TMEM132A: variants seen among roughly 807,000 people sequenced by gnomAD.
The protein encoded by TMEM132A is transmembrane protein 132A.
TMEM132A carries 48 observed loss-of-function variants against 69.9 expected under a neutral mutation model. The observed-to-expected ratio is 0.69, with a 90% CI of 0.55 to 0.87. The LOEUF (loss-of-function observed/expected upper bound fraction) is 0.87, where lower values mean the gene tolerates loss of function less well. TMEM132A is among the 40% of genes least tolerant of loss of function. The pLI is 0.00. For missense variants in TMEM132A, 1,287 were observed against 1,407.2 expected (o/e 0.91, Z 1.37); for synonymous variants, 577 against 613.7 (o/e 0.94, Z 0.88).
rs772998053 is a variant in TMEM132A, at chr11:60,936,719, C to G, written c.2884C>G (p.Arg962Gly). The G allele has an allele frequency of 6.3e-7, 1 of 1,587,334 alleles. No homozygotes were observed. The highest frequency in any genetic ancestry group is 8.6e-7 in the Non-Finnish European group (1 of 1,167,166). Residue 962 changes from arginine (R) to glycine (G), a missense_variant, in exon 11 of 11, where the codon CGA (arginine) becomes GGA (glycine). Physicochemically the swap from Arg to Gly is moderately radical, Grantham distance 125. Coordinates refer to ENST00000453848, the MANE Select transcript of TMEM132A (RefSeq NM_178031.3). ...ARKEAGGRRK[R>G]VEFVTFAPAP... is the part of the protein sequence containing the mutation. ...AAAGGAGGCTGGGGGGCGGCGGAAG[C>G]GAGTAGAGTTTGTGACATTTGCGCC...
chr11:60,935,746 C>T lies in TMEM132A; in HGVS notation c.2029-118C>T. The T allele has an allele frequency of 8.2e-7, 1 of 1,217,556 alleles. No homozygotes were observed. Among genetic ancestry groups the T allele is most frequent in the Non-Finnish European group, 1.2e-6 (1 of 863,174 alleles). The allele number at this position is 1,217,556 out of a possible 1,614,324, so 75.4% of individuals were successfully genotyped here. A position where few individuals can be genotyped will look rare whatever the true frequency, so the allele number is the denominator to read the frequency against. ...CTCTCCCTGTGTTTTGTCTATCTGC[C>T]TGTGTCTCTGTTTTCTCTCTGGTCT... On this transcript the variant is annotated intron_variant, in intron 10 of 10. Coordinates refer to ENST00000453848, the MANE Select transcript of TMEM132A (RefSeq NM_178031.3). This position sits in a 1 kb window ranked among gnomAD's most constrained non-coding sequence, Gnocchi z 5.0.
chr11:60,928,391 T>C (rs747701910), intron 3 of TMEM132A, among the ~76,000 whole-genome samples: 2 of 152,158 alleles, frequency 1.3e-5, no homozygotes, highest in Non-Finnish European at 2.9e-5. Context: ...TACTTTGTAA[T>C]GAGACCTATC....
rs895126294 is a variant in TMEM132A, at chr11:60,936,862, T to C, written c.3027T>C (p.Pro1009=). ...GTGAGGACATGGGGCTGAAGGACCCTGAGGAGCTTCGCAACTACATGGAGA... is the reference window on the plus strand; with the variant it reads ...GTGAGGACATGGGGCTGAAGGACCCCGAGGAGCTTCGCAACTACATGGAGA... ...WVCEDMGLKD[P]EELRNYMERI... Residue 1009 remains proline (P), a synonymous_variant, in exon 11 of 11, where the codon CCT becomes CCC. Transcript: ENST00000453848. 3 of 1,592,196 alleles carry C rather than the reference T, an allele frequency of 1.9e-6. No homozygotes were observed. Among genetic ancestry groups the C allele is most frequent in the African/African-American group, 2.7e-5 (2 of 73,678 alleles).
rs1354571371 is a variant in TMEM132A, at chr11:60,931,602, A to T, written c.1017-87A>T. The T allele has an allele frequency of 2.2e-6, 3 of 1,338,352 alleles. No homozygotes were observed. The African/African-American group carries it at 4.4e-5, about 20-fold the overall frequency. The allele number at this position is 1,338,352 out of a possible 1,614,324, so 82.9% of individuals were successfully genotyped here. ...GTGCCTCAGTTTCCTCCTGTGTAAAATGGGGATAATCATGAATGCAGGAAG... is the reference window on the plus strand; with the variant it reads ...GTGCCTCAGTTTCCTCCTGTGTAAATTGGGGATAATCATGAATGCAGGAAG... On this transcript the variant is annotated intron_variant, in intron 5 of 10. Coordinates refer to ENST00000453848, the MANE Select transcript of TMEM132A (RefSeq NM_178031.3).
rs778855376 is a variant in TMEM132A at position 60,936,212 on chromosome 11, G to A, written c.2377G>A (p.Gly793Ser). 1.2e-6 allele frequency: 2 copies of A among 1,614,064 alleles called. No individual in the cohort carries two copies. The highest frequency in any genetic ancestry group is 1.7e-6 in the Non-Finnish European group (2 of 1,179,970). ...SPPATEATMG[G>S]KRQVAGSVGG... Reference sequence around the variant, plus strand: ...ACCAGCCACAGAAGCCACCATGGGTGGTAAACGGCAGGTGGCAGGCAGTGT... The same window carrying A: ...ACCAGCCACAGAAGCCACCATGGGTAGTAAACGGCAGGTGGCAGGCAGTGT... Residue 793 changes from glycine to serine, a missense_variant, in exon 11 of 11, where the codon GGT (glycine) becomes AGT (serine). Coordinates refer to ENST00000453848, the MANE Select transcript of TMEM132A (RefSeq NM_178031.3).
chr11:60,934,036 T>C, intron 8 of TMEM132A: 3 of 471,102 alleles, frequency 6.4e-6, no homozygotes, highest in Non-Finnish European at 1.1e-5. Context: ...TCCACGCTCC[T>C]CCCCCGAGAA....
In TMEM132A at chr11:60,928,637, G is replaced by A. The variant is rs775233614; in HGVS notation, c.543G>A (p.Leu181=). 1 of 1,608,362 alleles carries A rather than the reference G, an allele frequency of 6.2e-7. No individual in the cohort carries two copies. Among genetic ancestry groups the A allele is most frequent in the East Asian group, 2.2e-5 (1 of 44,886 alleles). ...CTGTCGTGTCTTCACAGCCATCCCTGGGCGCCTGCGTGGTGGAGCTGGAGC... is the reference window on the plus strand; with the variant it reads ...CTGTCGTGTCTTCACAGCCATCCCTAGGCGCCTGCGTGGTGGAGCTGGAGC... ...AHQACRFQPS[L]GACVVELELP... Residue 181 remains leucine, a synonymous_variant, in exon 4 of 11, where the codon CTG becomes CTA. Transcript: ENST00000453848.
At position 60,936,828 on chromosome 11, in the gene TMEM132A, G is replaced by A. The variant is rs755198034; in HGVS notation, c.2993G>A (p.Arg998His). The change falls in exon 11 of 11, where the codon CGC (arginine) becomes CAC (histidine). Residue 998 changes from arginine to histidine, a missense_variant. Transcript: ENST00000453848. ...CTTGTGGCAGGCGAGGAGGACATCCGCTGGGTGTGTGAGGACATGGGGCTG... is the reference window on the plus strand; with the variant it reads ...CTTGTGGCAGGCGAGGAGGACATCCACTGGGTGTGTGAGGACATGGGGCTG... ...SILVAGEEDIRWVCEDMGLKD... is the reference protein window; with the variant it reads ...SILVAGEEDIHWVCEDMGLKD... 1.2e-5 allele frequency: 20 copies of A among 1,612,000 alleles called. No homozygotes were observed. Among genetic ancestry groups the A allele is most frequent in the Non-Finnish European group, 1.4e-5 (16 of 1,179,162 alleles).
At chr11:60,927,558 C>T in intron 2 of TMEM132A, 83 bp from the exon 3 acceptor site, 1 of 1,457,562 alleles carries the variant, frequency 6.9e-7, no homozygotes, top group Non-Finnish European at 9.3e-7. Context: ...TAAAGGTTCT[C>T]TTCTGCCAAG....
rs752352708 is a variant in TMEM132A, at chr11:60,933,697, C to A, written c.1512C>A (p.Thr504=). The A allele has an allele frequency of 3.7e-5, 59 of 1,600,618 alleles. No homozygotes were observed. The highest frequency in any genetic ancestry group is 4.8e-5 in the Non-Finnish European group (57 of 1,175,718). ...LLPLRIELTD[T]TLEQVRGWRV... is the part of the protein sequence containing the mutation. The stretch of plus-strand genomic sequence containing the variant: ...CGCTGCGTATCGAGCTCACCGACAC[C>A]ACCCTCGAGCAGGTCCGCGGCTGGA... The change falls in exon 8 of 11, where the codon ACC becomes ACA. Residue 504 remains threonine, a synonymous_variant. Coordinates refer to ENST00000453848, the MANE Select transcript of TMEM132A (RefSeq NM_178031.3).
rs1391765891 is a variant in TMEM132A, at chr11:60,928,739, C to T, written c.645C>T (p.Gly215=). 1.2e-6 allele frequency: 2 copies of T among 1,609,316 alleles called. No homozygotes were observed. Among genetic ancestry groups the T allele is most frequent in the South Asian group, 2.2e-5 (2 of 90,872 alleles). ...LAYTLEPAAE[G]PGGCGSGEEN... ...ACACGCTTGAGCCTGCAGCTGAGGG[C>T]CCTGGGGGCTGTGGCTCCGGCGAGG... Residue 215 remains glycine (G), a synonymous_variant, in exon 4 of 11, where the codon GGC becomes GGT. Coordinates refer to ENST00000453848, the MANE Select transcript of TMEM132A (RefSeq NM_178031.3).
At position 60,935,016 on chromosome 11, in the gene TMEM132A, G is replaced by A. The variant is rs1471087049; in HGVS notation, c.1837-236G>A. ...CCGGGTCTTGAGGGAAAAGGGAACT[G>A]CCCCCTAGGTGTGGGATTGGGGTCC... On this transcript the variant is annotated intron_variant, in intron 9 of 10. Coordinates refer to ENST00000453848, the MANE Select transcript of TMEM132A (RefSeq NM_178031.3). The surrounding 1 kb of genome is among the most constrained non-coding windows in gnomAD (Gnocchi z 5.0). Among the ~76,000 whole-genome samples, 5 of 152,150 alleles carry A rather than the reference G, an allele frequency of 3.3e-5. No homozygotes were observed. The highest frequency in any genetic ancestry group is 7.4e-5 in the Non-Finnish European group (5 of 68,010).
Position 60,928,717 on chromosome 11 carries a change from C to A in TMEM132A, c.623C>A (p.Thr208Lys). Residue 208 changes from threonine (T) to lysine (K), a missense_variant, in exon 4 of 11, where the codon ACG (threonine) becomes AAG (lysine). Coordinates refer to ENST00000453848, the MANE Select transcript of TMEM132A (RefSeq NM_178031.3). Reference protein sequence around the residue: ...ASTTRAELAYTLEPAAEGPGG... With the variant: ...ASTTRAELAYKLEPAAEGPGG... ...ACCACACGGGCCGAGCTGGCCTACA[C>A]GCTTGAGCCTGCAGCTGAGGGCCCT... 1 of 1,610,300 alleles carries A rather than the reference C, an allele frequency of 6.2e-7. No individual in the cohort carries two copies. Among genetic ancestry groups the A allele is most frequent in the Non-Finnish European group, 8.5e-7 (1 of 1,179,106 alleles).
chr11:60,927,982 A>G (rs1474829869), intron 3 of TMEM132A, 123 bp downstream of exon 3: 1 of 769,262 alleles, frequency 1.3e-6, no homozygotes, highest in Non-Finnish European at 2.0e-6. Flanking sequence ...ACCCGACTCC[A>G]TTTCTGCCCC....
In TMEM132A at chr11:60,935,737, TC is replaced by T; in HGVS notation, c.2029-126del. 1 of 1,149,938 alleles carries T rather than the reference TC, an allele frequency of 8.7e-7. No individual in the cohort carries two copies. Among genetic ancestry groups the T allele is most frequent in the Admixed American group, 2.1e-5 (1 of 47,096 alleles). 71.2% of individuals were successfully genotyped at this position (1,149,938 alleles called of 1,614,324 possible). ...GCGTCCCCTCTCTCCCTGTGTTTTG[TC>T]TATCTGCCTGTGTCTCTGTTTTCTC... is the stretch of plus-strand genomic sequence containing the variant. On this transcript the variant is annotated intron_variant, in intron 10 of 10. Transcript: ENST00000453848. The surrounding 1 kb of genome is among the most constrained non-coding windows in gnomAD (Gnocchi z 5.0).
At chr11:60,927,089 T>A in intron 1 of TMEM132A, 115 bp from the exon 2 acceptor site, 4 of 843,270 alleles carry the variant, frequency 4.7e-6, no homozygotes, top group Non-Finnish European at 6.1e-6. Flanking sequence ...GGAAGGGACA[T>A]TTACAGCCCT....
At chr11:60,934,066 C>T (rs930524316) in intron 8 of TMEM132A, 17 of 457,242 alleles carry the variant, frequency 3.7e-5, no homozygotes, top group Non-Finnish European at 1.2e-5. Flanking sequence ...CTTGAAGCTG[C>T]GGTCTGTCTA....
rs1009287748 is a variant in TMEM132A, at chr11:60,927,387, G to A, written c.284G>A (p.Arg95Gln). 3.5e-5 allele frequency: 56 copies of A among 1,613,132 alleles called. No individual in the cohort carries two copies. Among genetic ancestry groups the A allele is most frequent in the Non-Finnish European group, 4.3e-5 (51 of 1,179,860 alleles). ...TGGCCCAGGGCCCAGCCACTTCTCC[G>A]GGCCTCCTACCCACCTTTTGCCACT... ...QPWPRAQPLL[R>Q]ASYPPFATQQ... Residue 95 changes from arginine (R) to glutamine (Q), a missense_variant, in exon 2 of 11, where the codon CGG (arginine) becomes CAG (glutamine). Transcript: ENST00000453848.
rs920218030 is a variant in TMEM132A, at chr11:60,931,991, A to G, written c.1220A>G (p.Glu407Gly). 1 of 1,608,210 alleles carries G rather than the reference A, an allele frequency of 6.2e-7. No individual in the cohort carries two copies. Among genetic ancestry groups the G allele is most frequent in the Non-Finnish European group, 8.5e-7 (1 of 1,177,394 alleles). ...RALIPLAKAE[E>G]LVNTAPLTGV... ...CCCCTCCTCCACCCCCAGGCTGAGGAGCTGGTGAATACAGCACCACTGACT... is the reference window on the plus strand; with the variant it reads ...CCCCTCCTCCACCCCCAGGCTGAGGGGCTGGTGAATACAGCACCACTGACT... Residue 407 changes from glutamate to glycine, a missense_variant, in exon 7 of 11, where the codon GAG (glutamate) becomes GGG (glycine). Physicochemically the swap from Glu to Gly is moderately conservative, Grantham distance 98 (BLOSUM62 -2). Coordinates refer to ENST00000453848, the MANE Select transcript of TMEM132A (RefSeq NM_178031.3).
Sources: allele counts gnomAD v4.1 joint callset (sites outside exome capture counted in the v4.1 genomes callset), GRCh38; gene constraint gnomAD v4.1.1; non-coding constraint Gnocchi (gnomAD v3.1); transcripts MANE v1.5; gene names NCBI Gene and HGNC (gene_info 2026-07-23, HGNC 2026-07-21).